Variants in SMAD2 observed in about 807,000 individuals in gnomAD.
SMAD2 encodes the protein SMAD family member 2.
SMAD2 carries 8 observed loss-of-function variants against 64.4 expected under a neutral mutation model. The ratio of observed to expected loss-of-function variants is 0.12; its 90% CI spans 0.07 to 0.22. SMAD2 has a LOEUF of 0.22. Among genes scored for constraint, SMAD2 ranks in the 10% least tolerant of loss-of-function variants. The pLI, the probability that SMAD2 is intolerant of heterozygous loss-of-function variation, is 1.00. For missense variants in SMAD2, 289 were observed against 561.2 expected (o/e 0.51, Z 4.90); for synonymous variants, 203 against 195.8 (o/e 1.04, Z -0.31).
At chr18:47,919,599 T>C (rs2144538516) in intron 1 of SMAD2, among the ~76,000 whole-genome samples, 1 of 151,826 alleles carries the variant, frequency 6.6e-6, no homozygotes, top group African/African-American at 2.4e-5. Context: ...TCAGAATGAC[T>C]GCGGCGTACT....
rs1054811193 is a variant in SMAD2, at chr18:47,837,579, A to C, written c.*4248T>G. On this transcript the variant is annotated 3_prime_UTR_variant, in exon 11 of 11. Coordinates refer to ENST00000262160, the MANE Select transcript of SMAD2 (RefSeq NM_005901.6). ...TCCCTCTCAAAAAAAAAAAAAAAAA[A>C]CAAAAAACAAGGCTAACAAGAAAGA... 1.8e-5 allele frequency: 4 copies of C among 224,688 alleles called. No individual in the cohort carries two copies. The highest frequency in any genetic ancestry group is 1.9e-4 in the South Asian group (1 of 5,400). 13.9% of individuals were successfully genotyped at this position (224,688 alleles called of 1,614,324 possible). A position where few individuals can be genotyped will look rare whatever the true frequency, so the allele number is the denominator to read the frequency against.
At position 47,820,418 on chromosome 18, in the gene SMAD2, T is replaced by C. The variant is rs1479325098; in HGVS notation, c.*21409A>G. The C allele has an allele frequency of 6.6e-6, 1 of 152,190 alleles. No homozygotes were observed. The highest frequency in any genetic ancestry group is 1.5e-5 in the Non-Finnish European group (1 of 68,022). 9.4% of individuals were successfully genotyped at this position (152,190 alleles called of 1,614,324 possible). A position where few individuals can be genotyped will look rare whatever the true frequency, so the allele number is the denominator to read the frequency against. On this transcript the variant is annotated 3_prime_UTR_variant, in exon 11 of 11. Transcript: ENST00000262160. The stretch of plus-strand genomic sequence containing the variant: ...GTTATAAGGCATAAAAATTGCTTTT[T>C]ATTGGGAAAAAAGTTGTTTAAATTC...
rs1912559195 is a variant in SMAD2 at position 47,821,126 on chromosome 18, T to C, written c.*20701A>G. 1 of 152,162 alleles carries C rather than the reference T, an allele frequency of 6.6e-6. No individual in the cohort carries two copies. Among genetic ancestry groups the C allele is most frequent in the African/African-American group, 2.4e-5 (1 of 41,454 alleles). 9.4% of individuals were successfully genotyped at this position (152,162 alleles called of 1,614,324 possible). ...ATTCAGGTTAGAAAGGCTGTCTTTT[T>C]TCATTTAAGATGGTCATTTCATTTC... On this transcript the variant is annotated 3_prime_UTR_variant, in exon 11 of 11. Transcript: ENST00000262160.
intron 3 of SMAD2, 37 bp from the exon 4 acceptor site, chr18:47,869,473 T>TA (rs753414206): frequency 1.2e-5 from 16 of 1,340,072 alleles, no homozygotes; most frequent in South Asian, 1.3e-5. Context: ...GGAGGGAACT[T>TA]TAAAAAAAAA....
At chr18:47,907,048 T>C (rs1251463757) in intron 1 of SMAD2, among the ~76,000 whole-genome samples, 3 of 152,200 alleles carry the variant, frequency 2.0e-5, no homozygotes, top group Non-Finnish European at 2.9e-5. Context: ...TTGGAGACCA[T>C]GATTCAGTCT....
In SMAD2 at chr18:47,843,198, C is replaced by A. The variant is rs143258707; in HGVS notation, c.1281-1248G>T. On this transcript the variant is annotated intron_variant, in intron 10 of 10. Coordinates refer to ENST00000262160, the MANE Select transcript of SMAD2 (RefSeq NM_005901.6). ...AAGGCTAGAGGTGCCAGGAAAGAAGCATCCCCAGGAGCAGCCCTCAACCAA... is the reference window on the plus strand; with the variant it reads ...AAGGCTAGAGGTGCCAGGAAAGAAGAATCCCCAGGAGCAGCCCTCAACCAA... Among the ~76,000 whole-genome samples, 162 of 152,324 alleles carry A rather than the reference C, an allele frequency of 1.1e-3. 2 individuals carry two copies. In the East Asian group the frequency reaches 0.03, roughly 28 times the overall value.
chr18:47,864,127 A>G (rs2031388016), intron 6 of SMAD2, among the ~76,000 whole-genome samples: 1 of 152,172 alleles, frequency 6.6e-6, no homozygotes, highest in Admixed American at 6.5e-5. Flanking sequence ...CATATGTGGA[A>G]AGTCAAATAT....
chr18:47,899,828 T>A (rs1026180575), intron 1 of SMAD2, among the ~76,000 whole-genome samples: 3 of 152,212 alleles, frequency 2.0e-5, no homozygotes, highest in Non-Finnish European at 4.4e-5. Context: ...CTAAAATGCA[T>A]ACTGCATGTC....
chr18:47,850,338 G>A (rs530787695), intron 7 of SMAD2, among the ~76,000 whole-genome samples: 11 of 15,704 alleles, frequency 7.0e-4, no homozygotes, highest in African/African-American at 1.8e-3. Context: ...TATAATATAT[G>A]TTATATATAT....
At chr18:47,926,464 T>C (rs1055156903) in intron 1 of SMAD2, among the ~76,000 whole-genome samples, 1 of 152,162 alleles carries the variant, frequency 6.6e-6, no homozygotes, top group Non-Finnish European at 1.5e-5. Flanking sequence ...CGAGCTGTTA[T>C]CTGTTTTTTC....
At chr18:47,914,447 A>T (rs1014188690) in intron 1 of SMAD2, among the ~76,000 whole-genome samples, 2 of 152,192 alleles carry the variant, frequency 1.3e-5, no homozygotes, top group African/African-American at 4.8e-5. Flanking sequence ...CAAATGAAGA[A>T]TGTGAGGCAC....
In SMAD2 at chr18:47,820,586, C is replaced by A. The variant is rs1912534842; in HGVS notation, c.*21241G>T. On this transcript the variant is annotated 3_prime_UTR_variant, in exon 11 of 11. Transcript: ENST00000262160. Reference sequence around the variant, plus strand: ...AGGTTACAAAATTAACAGAATAATTCTGTATGAGTCTTGCATAGTAACTTT... The same window carrying A: ...AGGTTACAAAATTAACAGAATAATTATGTATGAGTCTTGCATAGTAACTTT... 1 of 152,086 alleles carries A rather than the reference C, an allele frequency of 6.6e-6. No homozygotes were observed. Among genetic ancestry groups the A allele is most frequent in the South Asian group, 2.1e-4 (1 of 4,816 alleles). 9.4% of individuals were successfully genotyped at this position (152,086 alleles called of 1,614,324 possible).
Position 47,870,564 on chromosome 18 carries a change from G to A in SMAD2, c.237C>T (p.Ser79=). 1 of 1,609,616 alleles carries A rather than the reference G, an allele frequency of 6.2e-7. No homozygotes were observed. The highest frequency in any genetic ancestry group is 1.1e-5 in the South Asian group (1 of 90,990). Residue 79 remains serine, a splice_region_variant and synonymous_variant, in exon 3 of 11, where the codon AGC becomes AGT. Coordinates refer to ENST00000262160, the MANE Select transcript of SMAD2 (RefSeq NM_005901.6). The part of the protein sequence containing the change: ...NCNTKCVTIP[S]TCSEIWGLST... ...TCAGTCCCCAAATTTCAGAGCAAGT[G>A]CTGTGCATAAATTGAAAAACAAAAA...
In SMAD2 at chr18:47,816,094, G is replaced by A. The variant is rs977362287; in HGVS notation, c.*25733C>T. 1.3e-5 allele frequency: 2 copies of A among 152,304 alleles called. No homozygotes were observed. The highest frequency in any genetic ancestry group is 2.9e-5 in the Non-Finnish European group (2 of 68,022). The allele number at this position is 152,304 out of a possible 1,614,324, so 9.4% of individuals were successfully genotyped here. A position where few individuals can be genotyped will look rare whatever the true frequency, so the allele number is the denominator to read the frequency against. On this transcript the variant is annotated 3_prime_UTR_variant, in exon 11 of 11. Coordinates refer to ENST00000262160, the MANE Select transcript of SMAD2 (RefSeq NM_005901.6). ...CGGTAAACACATACCTCATGTCTTG[G>A]CTTCTAGAGCCCGGAGATAAGATCA...
intron 2 of SMAD2, among the ~76,000 whole-genome samples, chr18:47,889,174 A>C (rs2033062583): frequency 6.6e-6 from 1 of 152,180 alleles, no homozygotes; most frequent in Non-Finnish European, 1.5e-5. Flanking sequence ...GCCCAAGTAC[A>C]ACAGAAGATT....
At chr18:47,866,316 C>CAAAAAAAAA (rs34302955) in intron 5 of SMAD2, among the ~76,000 whole-genome samples, 6 of 42,092 alleles carry the variant, frequency 1.4e-4, no homozygotes, top group African/African-American at 5.0e-4. Flanking sequence ...AACACCGTCT[C>CAAAAAAAAA]AAAAAAAAAA....
Position 47,817,058 on chromosome 18 carries a change from G to T in SMAD2, c.*24769C>A, listed in dbSNP as rs929343613. The T allele has an allele frequency of 2.0e-5, 3 of 152,212 alleles. No homozygotes were observed. The highest frequency in any genetic ancestry group is 7.2e-5 in the African/African-American group (3 of 41,450). 9.4% of individuals were successfully genotyped at this position (152,212 alleles called of 1,614,324 possible). A position where few individuals can be genotyped will look rare whatever the true frequency, so the allele number is the denominator to read the frequency against. On this transcript the variant is annotated 3_prime_UTR_variant, in exon 11 of 11. Transcript: ENST00000262160. ...TTACAGGCATAAGCCACCGCGCACG[G>T]CCCATGACATGCGTATTTCTACAGC...
chr18:47,849,536 T>C (rs1022884805), intron 7 of SMAD2, among the ~76,000 whole-genome samples: 1 of 151,798 alleles, frequency 6.6e-6, no homozygotes, highest in Admixed American at 6.6e-5. Context: ...TACAGGGGAT[T>C]GGTTCTAGGA....
At position 47,836,707 on chromosome 18, in the gene SMAD2, A is replaced by C. The variant is rs1310916756; in HGVS notation, c.*5120T>G. ...ATAGTTAGCTACAATATTCAAGATAAAACAGTTCCTACTCAAAAAATTACA... is the reference window on the plus strand; with the variant it reads ...ATAGTTAGCTACAATATTCAAGATACAACAGTTCCTACTCAAAAAATTACA... On this transcript the variant is annotated 3_prime_UTR_variant, in exon 11 of 11. Transcript: ENST00000262160. The C allele has an allele frequency of 3.2e-5, 7 of 218,634 alleles. No homozygotes were observed. The highest frequency in any genetic ancestry group is 6.4e-5 in the Non-Finnish European group (7 of 108,906). 13.5% of individuals were successfully genotyped at this position (218,634 alleles called of 1,614,324 possible).
Sources: allele counts gnomAD v4.1 joint callset (sites outside exome capture counted in the v4.1 genomes callset), GRCh38; gene constraint gnomAD v4.1.1; transcripts MANE v1.5; gene names NCBI Gene and HGNC (gene_info 2026-07-23, HGNC 2026-07-21).